PAAF1: variants seen among roughly 807,000 people sequenced by gnomAD.
PAAF1 encodes proteasomal ATPase-associated factor 1.
A neutral mutation model predicts 52.8 loss-of-function variants in PAAF1; 46 were observed. The ratio of observed to expected loss-of-function variants is 0.87; its 90% confidence interval spans 0.69 to 1.11. The LOEUF (loss-of-function observed/expected upper bound fraction) is 1.11. PAAF1 is among the 50% of genes most tolerant of loss of function. PAAF1 has a pLI of 0.00. For synonymous variants in PAAF1, 178 were observed against 172.8 expected (o/e 1.03, Z -0.24); for missense variants, 424 against 477.4 (o/e 0.89, Z 1.04).
chr11:73,896,166 T>C (rs1949348028), intron 4 of PAAF1, among the ~76,000 whole-genome samples: 1 of 151,276 alleles, frequency 6.6e-6, no homozygotes, highest in Non-Finnish European at 1.5e-5. Flanking sequence ...GAATCTGAAA[T>C]TTCTCTATTC....
At chr11:73,925,491 A>C (rs1286732387) in intron 11 of PAAF1, among the ~76,000 whole-genome samples, 1 of 151,652 alleles carries the variant, frequency 6.6e-6, no homozygotes, top group African/African-American at 2.4e-5. Context: ...AAGTGACTTC[A>C]TCACTTACTA....
At chr11:73,877,951 A>T (rs1241470372) in intron 1 of PAAF1, among the ~76,000 whole-genome samples, 2 of 152,180 alleles carry the variant, frequency 1.3e-5, no homozygotes, top group Non-Finnish European at 2.9e-5. Flanking sequence ...TCTAACATTT[A>T]TTGATCTTAT....
chr11:73,907,398 G>A (rs1055617157), intron 6 of PAAF1, among the ~76,000 whole-genome samples: 1 of 152,152 alleles, frequency 6.6e-6, no homozygotes, highest in African/African-American at 2.4e-5. Flanking sequence ...CTGCAGACAG[G>A]GGAGGTGGAA....
intron 3 of PAAF1, among the ~76,000 whole-genome samples, chr11:73,890,494 A>G (rs1046133228): frequency 3.3e-5 from 5 of 152,212 alleles, no homozygotes; most frequent in African/African-American, 7.2e-5. Flanking sequence ...CAACCAGTCT[A>G]TGAACATGTA....
rs113738486 is a variant in PAAF1 at position 73,913,441 on chromosome 11, T to C, written c.728-972T>C. ...GAGATCCCATCTCTATAAAAAATAT[T>C]TTAAAAAATAAATAAAGTTGAAGTT... On this transcript the variant is annotated intron_variant, in intron 7 of 11. Transcript: ENST00000310571. Among the ~76,000 whole-genome samples, 138 of 152,252 alleles carry C rather than the reference T, an allele frequency of 9.1e-4. 2 individuals are homozygous for C. The highest frequency in any genetic ancestry group is 3.1e-3 in the African/African-American group (130 of 41,542).
At chr11:73,918,179 C>CT (rs1378368121) in intron 9 of PAAF1, among the ~76,000 whole-genome samples, 2 of 152,156 alleles carry the variant, frequency 1.3e-5, no homozygotes, top group East Asian at 3.9e-4. Flanking sequence ...TTTCAGGAGT[C>CT]TATGACAGGT....
At chr11:73,888,923 T>C in intron 3 of PAAF1, 1 of 481,696 alleles carries the variant, frequency 2.1e-6, no homozygotes, top group Non-Finnish European at 3.7e-6. Flanking sequence ...TATAAAATAC[T>C]ACAGAAGTTA....
intron 2 of PAAF1, chr11:73,879,698 C>CCCCT (rs1262625258): frequency 6.7e-6 from 1 of 150,108 alleles, no homozygotes. Context: ...AGACCCCCTC[C>CCCCT]CCATCTCTAT....
chr11:73,917,103 C>G (rs1233815889), intron 9 of PAAF1, among the ~76,000 whole-genome samples: 2 of 152,146 alleles, frequency 1.3e-5, no homozygotes, highest in African/African-American at 4.8e-5. Context: ...TTACTGCAAC[C>G]TTTGCCTCCC....
Position 73,928,009 on chromosome 11 carries a change from T to G in PAAF1, c.*647T>G, listed in dbSNP as rs1591148866. The G allele has an allele frequency of 6.6e-6, 1 of 152,608 alleles. No homozygotes were observed. Among genetic ancestry groups the G allele is most frequent in the East Asian group, 1.9e-4 (1 of 5,208 alleles). The allele number at this position is 152,608 out of a possible 1,614,324, so 9.5% of individuals were successfully genotyped here. A position where few individuals can be genotyped will look rare whatever the true frequency, so the allele number is the denominator to read the frequency against. Reference sequence around the variant, plus strand: ...CCAACATGATTGGTCAGCCTATATGTAGGTGAGGAAACTGAATCATAAGCA... The same window carrying G: ...CCAACATGATTGGTCAGCCTATATGGAGGTGAGGAAACTGAATCATAAGCA... On this transcript the variant is annotated 3_prime_UTR_variant, in exon 12 of 12. Transcript: ENST00000310571.
At chr11:73,896,333 G>A (rs1949364829) in intron 4 of PAAF1, among the ~76,000 whole-genome samples, 1 of 130,740 alleles carries the variant, frequency 7.6e-6, no homozygotes, top group Admixed American at 8.2e-5. Flanking sequence ...TCATTCTTGG[G>A]TGTTTCTCGC....
At chr11:73,898,983 GTGA>G (rs1949514362) in intron 4 of PAAF1, among the ~76,000 whole-genome samples, 160 bp from the exon 5 acceptor site, 1 of 152,228 alleles carries the variant, frequency 6.6e-6, no homozygotes, top group South Asian at 2.1e-4. Context: ...TGGGAGGTTG[GTGA>G]TGATAACTCA....
chr11:73,924,446 C>T (rs560531461), intron 10 of PAAF1, among the ~76,000 whole-genome samples, 169 bp from the exon 11 acceptor site: 1 of 151,552 alleles, frequency 6.6e-6, no homozygotes, highest in African/African-American at 2.4e-5. Flanking sequence ...AACTCTGTCT[C>T]AAAAAACAAA....
upstream of PAAF1, chr11:73,876,835 G>A: frequency 3.5e-6 from 2 of 576,040 alleles, no homozygotes; most frequent in South Asian, 6.6e-5. Context: ...GGGATCCTCT[G>A]TACATCCTTT....
intron 10 of PAAF1, chr11:73,921,680 C>A (rs1348587681): frequency 1.2e-6 from 1 of 804,776 alleles, no homozygotes; most frequent in African/African-American, 1.7e-5. Context: ...TTGAAAGACT[C>A]TAGCATGAAC....
Position 73,900,258 on chromosome 11 carries a change from T to C in PAAF1, c.382-12T>C. 1.9e-6 allele frequency: 3 copies of C among 1,582,640 alleles called. No homozygotes were observed. The highest frequency in any genetic ancestry group is 2.6e-6 in the Non-Finnish European group (3 of 1,158,350). ...AAGAGAACTAGCATGGAATTTTCTT[T>C]TGTTTTTCCAGAGAGTATTGGAAGG... On this transcript the variant is annotated splice_polypyrimidine_tract_variant and intron_variant, in intron 5 of 11. Transcript: ENST00000310571.
At chr11:73,925,306 A>G (rs893834919) in intron 11 of PAAF1, among the ~76,000 whole-genome samples, 1 of 151,892 alleles carries the variant, frequency 6.6e-6, no homozygotes, top group Non-Finnish European at 1.5e-5. Context: ...AAAAATACAG[A>G]AAAATTAGCT....
Position 73,898,010 on chromosome 11 carries a change from G to A in PAAF1, c.283-1136G>A, listed in dbSNP as rs934553572. Among the ~76,000 whole-genome samples, 5 of 152,156 alleles carry A rather than the reference G, an allele frequency of 3.3e-5. No homozygotes were observed. In the South Asian group the frequency reaches 6.2e-4, roughly 19 times the overall value. On this transcript the variant is annotated intron_variant, in intron 4 of 11. Transcript: ENST00000310571. The stretch of plus-strand genomic sequence containing the variant: ...AGCCCAGCCAACACAGCGAATCCCC[G>A]TCTCCACCAAAAAAACACGAAAACC...
At chr11:73,878,690 A>ACCT in intron 1 of PAAF1, 89 bp from the exon 2 acceptor site, 2 of 1,145,336 alleles carry the variant, frequency 1.7e-6, no homozygotes, top group South Asian at 2.6e-5. Context: ...ACCAAGCTGG[A>ACCT]GGTTACATGA....
Sources: allele counts gnomAD v4.1 joint callset (sites outside exome capture counted in the v4.1 genomes callset), GRCh38; gene constraint gnomAD v4.1.1; transcripts MANE v1.5; gene names NCBI Gene and HGNC (gene_info 2026-07-23, HGNC 2026-07-21).